The following ATP6V0A2 variants were observed in gnomAD, a reference collection of about 807,000 sequenced individuals.
ATP6V0A2 encodes V-type proton ATPase 116 kDa subunit a 2.
In ATP6V0A2, 58 loss-of-function variants were observed where a neutral mutation model predicts 104.4. The observed-to-expected ratio is 0.56, with a 90% CI of 0.45 to 0.69. The LOEUF (loss-of-function observed/expected upper bound fraction) is 0.69. ATP6V0A2 is among the 30% of genes least tolerant of loss of function. ATP6V0A2 has a pLI of 0.00. For synonymous variants in ATP6V0A2, 376 were observed against 397.9 expected (o/e 0.95, Z 0.65); for missense variants, 938 against 1,062.9 (o/e 0.88, Z 1.63).
At chr12:123,751,859 TTTC>T (rs1486321028) in intron 16 of ATP6V0A2, among the ~76,000 whole-genome samples, 4 of 103,700 alleles carry the variant, frequency 3.9e-5, no homozygotes, top group African/African-American at 5.7e-5. Flanking sequence ...TCTTTCTTTC[TTTC>T]TTTTTTTTTT....
rs535317155 is a variant in ATP6V0A2, at chr12:123,725,655, G to A, written c.433-542G>A. On this transcript the variant is annotated intron_variant, in intron 4 of 19. Coordinates refer to ENST00000330342, the MANE Select transcript of ATP6V0A2 (RefSeq NM_012463.4). Reference sequence around the variant, plus strand: ...TAAAAAATTAGCTGAGCGTGGTGGTGCATACTTGTAGTCCCAGCTACCAAG... The same window carrying A: ...TAAAAAATTAGCTGAGCGTGGTGGTACATACTTGTAGTCCCAGCTACCAAG... 1.8e-4 allele frequency among the ~76,000 whole-genome samples: 28 copies of A among 152,122 alleles called. No homozygotes were observed. The South Asian group carries it at 5.8e-3, about 32-fold the overall frequency.
chr12:123,745,122 A>G, intron 13 of ATP6V0A2, 150 bp downstream of exon 13: 3 of 856,344 alleles, frequency 3.5e-6, no homozygotes, highest in Non-Finnish European at 5.7e-6. Context: ...AGTCCCGGAC[A>G]CTGGGAGGGG....
At chr12:123,730,351 G>A (rs933427066) in intron 6 of ATP6V0A2, among the ~76,000 whole-genome samples, 11 of 151,792 alleles carry the variant, frequency 7.2e-5, no homozygotes, top group Non-Finnish European at 1.5e-4. Context: ...CACCACACCC[G>A]GCCAGGAGTT....
intron 17 of ATP6V0A2, among the ~76,000 whole-genome samples, chr12:123,753,500 TGTTTCTCCTGCTCTTCCCAGAA>T (rs1220895018): frequency 6.6e-6 from 1 of 152,270 alleles, no homozygotes; most frequent in African/African-American, 2.4e-5. Context: ...CCTGCACCCC[TGTTTCTCCTGCTCTTCCCAGAA>T]GACAGTAGTC....
At chr12:123,714,852 C>T (rs773255838) in intron 1 of ATP6V0A2, among the ~76,000 whole-genome samples, 30 of 152,222 alleles carry the variant, frequency 2.0e-4, no homozygotes, top group African/African-American at 4.3e-4. Context: ...GAGGCCAAGG[C>T]GGGCAGATCA....
chr12:123,712,623 G>A lies in ATP6V0A2; in HGVS notation c.58G>A (p.Gly20Ser), dbSNP rs775774045. ...MCLAQLFLQS[G>S]TAYECLSALG... ...CCTGGCGCAGCTCTTCCTGCAGTCG[G>A]GCACGGCCTACGAGTGCCTCAGCGC... Residue 20 changes from glycine to serine, a missense_variant, in exon 1 of 20, where the codon GGC (glycine) becomes AGC (serine). Physicochemically the swap from Gly to Ser is moderately conservative, Grantham distance 56 (BLOSUM62 0). Transcript: ENST00000330342. 24 of 1,607,082 alleles carry A rather than the reference G, an allele frequency of 1.5e-5. No individual in the cohort carries two copies. In the South Asian group the frequency reaches 2.7e-4, roughly 18 times the overall value.
At chr12:123,723,770 A>AT (rs1956422878) in intron 3 of ATP6V0A2, 1 of 152,184 alleles carries the variant, frequency 6.6e-6, no homozygotes, top group African/African-American at 2.4e-5. Flanking sequence ...ATTGTCATGA[A>AT]TTTTTATCCT....
At chr12:123,752,133 T>C (rs1488979955) in intron 16 of ATP6V0A2, 150 bp from the exon 17 acceptor site, 6 of 920,770 alleles carry the variant, frequency 6.5e-6, no homozygotes, top group South Asian at 6.1e-5. Flanking sequence ...GTGCTGTGAT[T>C]ACAGGTGTGA....
chr12:123,742,078 G>C (rs558514774), intron 9 of ATP6V0A2, among the ~76,000 whole-genome samples: 19 of 152,330 alleles, frequency 1.2e-4, no homozygotes, highest in African/African-American at 4.3e-4. Flanking sequence ...CCGCTCAACA[G>C]GGGAGGACCT....
At chr12:123,736,277 T>C (rs896596351) in intron 8 of ATP6V0A2, among the ~76,000 whole-genome samples, 5 of 149,968 alleles carry the variant, frequency 3.3e-5, no homozygotes, top group Admixed American at 6.7e-5. Flanking sequence ...CTGCAATCTC[T>C]GCTTCCCAGG....
chr12:123,743,396 G>A (rs1176900094), intron 9 of ATP6V0A2, among the ~76,000 whole-genome samples: 2 of 152,222 alleles, frequency 1.3e-5, no homozygotes, highest in African/African-American at 2.4e-5. Context: ...GCTCACACCT[G>A]TAATCCCAGC....
intron 1 of ATP6V0A2, among the ~76,000 whole-genome samples, chr12:123,717,042 T>C (rs963426777): frequency 1.3e-5 from 2 of 151,864 alleles, no homozygotes; most frequent in Non-Finnish European, 2.9e-5. Flanking sequence ...AGGGTGGGCG[T>C]GGTGGCTCAC....
chr12:123,722,657 T>C (rs1370742592), intron 3 of ATP6V0A2, among the ~76,000 whole-genome samples: 1 of 152,182 alleles, frequency 6.6e-6, no homozygotes, highest in African/African-American at 2.4e-5. Flanking sequence ...TTCAGTTTTC[T>C]TTTACAGTGT....
At position 123,718,630 on chromosome 12, in the gene ATP6V0A2, A is replaced by G; in HGVS notation, c.125A>G (p.Gln42Arg). 6.2e-7 allele frequency: 1 copy of G among 1,611,124 alleles called. No individual in the cohort carries two copies. Among genetic ancestry groups the G allele is most frequent in the Non-Finnish European group, 8.5e-7 (1 of 1,178,002 alleles). Reference sequence around the variant, plus strand: ...TTTTCATCCTTTTCTCAGCTCAACCAGAACGTAAGTTCTTTCCAAAGAAAA... The same window carrying G: ...TTTTCATCCTTTTCTCAGCTCAACCGGAACGTAAGTTCTTTCCAAAGAAAA... ...KGLVQFRDLN[Q>R]NVSSFQRKFV... is the part of the protein sequence containing the mutation. Residue 42 changes from glutamine to arginine, a missense_variant, in exon 2 of 20, where the codon CAG becomes CGG. Transcript: ENST00000330342.
rs1040160504 is a variant in ATP6V0A2, at chr12:123,735,611, A to G, written c.812A>G (p.Gln271Arg). Residue 271 changes from glutamine to arginine, a missense_variant, in exon 8 of 20, where the codon CAG becomes CGG. Transcript: ENST00000330342. Reference protein sequence around the residue: ...EIQEGLNTRIQDLYTVLHKTE... With the variant: ...EIQEGLNTRIRDLYTVLHKTE... ...CAGGAGGGGCTGAACACCCGCATCC[A>G]GGATCTCTACACTGTGAGTAAGCTG... The G allele has an allele frequency of 1.2e-6, 2 of 1,613,262 alleles. No individual in the cohort carries two copies. The highest frequency in any genetic ancestry group is 1.7e-5 in the Admixed American group (1 of 59,958).
At chr12:123,734,844 G>T (rs563390597) in intron 7 of ATP6V0A2, among the ~76,000 whole-genome samples, 4 of 152,162 alleles carry the variant, frequency 2.6e-5, no homozygotes, top group Non-Finnish European at 5.9e-5. Context: ...TATTTTCATA[G>T]ATAGATATTT....
chr12:123,725,062 A>G (rs917364656), intron 4 of ATP6V0A2, among the ~76,000 whole-genome samples: 5 of 151,854 alleles, frequency 3.3e-5, no homozygotes, highest in Non-Finnish European at 7.4e-5. Flanking sequence ...CAGCCTCTCG[A>G]ATAGCTGGGA....
intron 6 of ATP6V0A2, among the ~76,000 whole-genome samples, chr12:123,729,339 C>G (rs931647910): frequency 2.2e-4 from 5 of 22,542 alleles, no homozygotes; most frequent in African/African-American, 7.9e-4. Flanking sequence ...TTTTTGAGTG[C>G]AAATCTTGGT....
At chr12:123,746,639 TAAAA>T (rs760374381) in intron 13 of ATP6V0A2, among the ~76,000 whole-genome samples, 2 of 83,600 alleles carry the variant, frequency 2.4e-5, no homozygotes, top group Admixed American at 1.4e-4. Context: ...CCCCTTACCT[TAAAA>T]AAAAAAAAAA....
Sources: gnomAD v4.1 joint callset for allele counts (sites outside exome capture counted in the v4.1 genomes callset) on GRCh38, gnomAD v4.1.1 for gene constraint, MANE v1.5 for transcripts, NCBI Gene and HGNC (gene_info 2026-07-23, HGNC 2026-07-21) for gene names.